The following FER1L6 variants were observed in gnomAD, a reference collection of about 807,000 sequenced individuals.
FER1L6 encodes fer-1 like family member 6.
Under a neutral mutation model 219.2 loss-of-function variants are expected in FER1L6, and 177 were observed. The observed-to-expected ratio is 0.81, with a 90% CI of 0.71 to 0.91. FER1L6 has a LOEUF of 0.91. Among genes scored for constraint, FER1L6 ranks in the 40% least tolerant of loss-of-function variants. FER1L6 has a pLI of 0.00. For synonymous variants in FER1L6, 768 were observed against 824.3 expected (o/e 0.93, Z 1.17); for missense variants, 2,153 against 2,259.9 (o/e 0.95, Z 0.96).
chr8:123,939,609 G>T (rs937593683), intron 1 of FER1L6, among the ~76,000 whole-genome samples: 1 of 152,184 alleles, frequency 6.6e-6, no homozygotes, highest in Non-Finnish European at 1.5e-5. Context: ...GGGGAGTCTT[G>T]TGTCCCAAGT....
intron 1 of FER1L6, among the ~76,000 whole-genome samples, chr8:123,869,120 G>T (rs1816884699): frequency 6.6e-6 from 1 of 152,132 alleles, no homozygotes; most frequent in African/African-American, 2.4e-5. Context: ...TTGCTTCTGA[G>T]CCAGGTCTAA....
intron 11 of FER1L6, chr8:123,985,360 T>C (rs1763941675): frequency 6.6e-6 from 1 of 152,278 alleles, no homozygotes; most frequent in African/African-American, 2.4e-5. Flanking sequence ...CCTGGATACA[T>C]ATGATTGCCC....
chr8:123,956,084 G>A lies in FER1L6; in HGVS notation c.76+10G>A. 2 of 1,607,144 alleles carry A rather than the reference G, an allele frequency of 1.2e-6. No homozygotes were observed. Among genetic ancestry groups the A allele is most frequent in the African/African-American group, 1.3e-5 (1 of 74,974 alleles). On this transcript the variant is annotated intron_variant, in intron 2 of 40. Coordinates refer to ENST00000522917, the MANE Select transcript of FER1L6 (RefSeq NM_001039112.2). Reference sequence around the variant, plus strand: ...AACAAGGCTGCGAAAGGTGAGGCTGGGGGTGGGGTGCTGACCATTGGGGCC... The same window carrying A: ...AACAAGGCTGCGAAAGGTGAGGCTGAGGGTGGGGTGCTGACCATTGGGGCC...
intron 1 of FER1L6, among the ~76,000 whole-genome samples, chr8:123,865,052 G>T (rs1031789232): frequency 6.6e-6 from 1 of 151,070 alleles, no homozygotes; most frequent in African/African-American, 2.5e-5. Context: ...AGGAGGAGAG[G>T]TGCTCTGTGT....
At chr8:124,033,212 T>C (rs1819047654) in intron 18 of FER1L6, among the ~76,000 whole-genome samples, 1 of 152,202 alleles carries the variant, frequency 6.6e-6, no homozygotes. Flanking sequence ...CAAGAACTCT[T>C]TTAGGCACTG....
intron 13 of FER1L6, among the ~76,000 whole-genome samples, chr8:124,004,001 CTTA>C (rs1055930789): frequency 4.0e-5 from 6 of 149,570 alleles, no homozygotes; most frequent in Non-Finnish European, 5.9e-5. Flanking sequence ...TCCAAATCCT[CTTA>C]TTATATTCAT....
intron 1 of FER1L6, among the ~76,000 whole-genome samples, chr8:123,857,127 TG>T (rs1268372575): frequency 6.6e-6 from 1 of 152,222 alleles, no homozygotes; most frequent in African/African-American, 2.4e-5. Context: ...CCCAGCCCTG[TG>T]AAAAATCAGA....
At chr8:123,865,743 T>C (rs1816825052) in intron 1 of FER1L6, among the ~76,000 whole-genome samples, 1 of 151,388 alleles carries the variant, frequency 6.6e-6, no homozygotes, top group South Asian at 2.1e-4. Flanking sequence ...GACCCGATTT[T>C]CCAGGTGCGT....
intron 1 of FER1L6, among the ~76,000 whole-genome samples, chr8:123,911,262 C>A (rs1173375212): frequency 6.6e-6 from 1 of 152,130 alleles, no homozygotes; most frequent in Non-Finnish European, 1.5e-5. Flanking sequence ...AGTTGATATT[C>A]CCATTTGATT....
At chr8:124,107,084 G>T (rs1276460836) in intron 39 of FER1L6, among the ~76,000 whole-genome samples, 1 of 151,732 alleles carries the variant, frequency 6.6e-6, no homozygotes, top group Non-Finnish European at 1.5e-5. Context: ...TAGTAGCTGG[G>T]ACTACAGGCG....
At position 123,856,292 on chromosome 8, in the gene FER1L6, GTATATATA is replaced by G. The variant is rs1255382948; in HGVS notation, c.-8+4117_-8+4124del. ...TGTATATGTGTATATATGTGTGTGT[GTATATATA>G]TATATATATGTATGTGTATATATAT... On this transcript the variant is annotated intron_variant, in intron 1 of 40. Coordinates refer to ENST00000522917, the MANE Select transcript of FER1L6 (RefSeq NM_001039112.2). Among the ~76,000 whole-genome samples the G allele has an allele frequency of 2.1e-4, 14 of 67,442 alleles. 1 individual carries two copies. The highest frequency in any genetic ancestry group is 7.0e-4 in the African/African-American group (12 of 17,202). The allele number at this position is 67,442 out of a possible 152,430, so 44.2% of individuals were successfully genotyped here. A position where few individuals can be genotyped will look rare whatever the true frequency, so the allele number is the denominator to read the frequency against.
intron 31 of FER1L6, among the ~76,000 whole-genome samples, chr8:124,072,929 G>A (rs918927197): frequency 5.3e-5 from 8 of 152,202 alleles, no homozygotes; most frequent in African/African-American, 1.7e-4. Flanking sequence ...GAGAAGTAGC[G>A]TGTATTTCCT....
intron 26 of FER1L6, among the ~76,000 whole-genome samples, chr8:124,065,243 T>C (rs891206328): frequency 7.4e-5 from 11 of 147,900 alleles, no homozygotes; most frequent in Non-Finnish European, 1.6e-4. Flanking sequence ...AAAAAAAAAA[T>C]ACAAAAAATT....
chr8:123,871,552 AAGT>A (rs1321859756), intron 1 of FER1L6, among the ~76,000 whole-genome samples: 1 of 152,196 alleles, frequency 6.6e-6, no homozygotes. Context: ...GGTTGGAATA[AAGT>A]AGTATTTTAT....
chr8:123,992,744 A>G (rs1816918538), intron 12 of FER1L6, among the ~76,000 whole-genome samples: 1 of 151,748 alleles, frequency 6.6e-6, no homozygotes, highest in Admixed American at 6.6e-5. Flanking sequence ...TCTTCTGCTA[A>G]CTCTTTGAGT....
At chr8:124,083,020 A>G (rs1341873653) in intron 33 of FER1L6, among the ~76,000 whole-genome samples, 1 of 77,762 alleles carries the variant, frequency 1.3e-5, no homozygotes, top group African/African-American at 4.7e-5. Context: ...ACACACACAT[A>G]TGGGGTATAT....
rs913893380 is a variant in FER1L6, at chr8:123,853,189, C to A, written c.-8+1004C>A. Among the ~76,000 whole-genome samples, 1 of 152,080 alleles carries A rather than the reference C, an allele frequency of 6.6e-6. No homozygotes were observed. Among genetic ancestry groups the A allele is most frequent in the African/African-American group, 2.4e-5 (1 of 41,414 alleles). On this transcript the variant is annotated intron_variant, in intron 1 of 40. Coordinates refer to ENST00000522917, the MANE Select transcript of FER1L6 (RefSeq NM_001039112.2). The surrounding 1 kb of genome is among the most constrained non-coding windows in gnomAD (Gnocchi z 6.6). ...AATCTTTTTTTGAGACAGTCTCACT[C>A]TATAGCCCAGGCTGGAGTGCAGTGG... is the stretch of plus-strand genomic sequence containing the variant.
At chr8:123,952,824 TA>T (rs1267805036) in intron 1 of FER1L6, among the ~76,000 whole-genome samples, 1 of 152,178 alleles carries the variant, frequency 6.6e-6, no homozygotes, top group African/African-American at 2.4e-5. Context: ...TATACAGGTG[TA>T]AAAAAATTGT....
intron 16 of FER1L6, among the ~76,000 whole-genome samples, chr8:124,019,547 C>T (rs780969429): frequency 3.3e-5 from 5 of 152,222 alleles, no homozygotes; most frequent in Admixed American, 2.0e-4. Context: ...TTAGCAGAGG[C>T]TTCCTATGTG....
Sources: allele counts gnomAD v4.1 joint callset (sites outside exome capture counted in the v4.1 genomes callset), GRCh38; gene constraint gnomAD v4.1.1; non-coding constraint Gnocchi (gnomAD v3.1); transcripts MANE v1.5; gene names NCBI Gene and HGNC (gene_info 2026-07-23, HGNC 2026-07-21).